The following SSH2 variants were observed in gnomAD, a reference collection of about 807,000 sequenced individuals.
SSH2 encodes slingshot protein phosphatase 2.
SSH2 carries 37 observed loss-of-function variants against 135.2 expected under a neutral mutation model. The ratio of observed to expected loss-of-function variants is 0.27; its 90% CI spans 0.21 to 0.36. SSH2 has a LOEUF of 0.36. Ranked by LOEUF, SSH2 falls within the 10% of genes least tolerant of loss-of-function variation. The probability of loss-of-function intolerance (pLI) is 1.00; values close to 1 mark genes in which losing one functional copy is unlikely to be tolerated. For synonymous variants in SSH2, 628 were observed against 646.2 expected, an observed-to-expected ratio of 0.97 and a Z score of 0.43; for missense variants, 1,408 against 1,765.3, an observed-to-expected ratio of 0.80 and a Z score of 3.63.
chr17:29,914,381 G>A (rs549831436), intron 1 of SSH2, among the ~76,000 whole-genome samples: 6 of 151,976 alleles, frequency 3.9e-5, no homozygotes, highest in Admixed American at 3.3e-4. Flanking sequence ...GCAACACAGC[G>A]AGACCATGTC....
chr17:29,745,200 C>T (rs1344467211), intron 3 of SSH2, among the ~76,000 whole-genome samples: 3 of 151,558 alleles, frequency 2.0e-5, no homozygotes, highest in East Asian at 1.9e-4. Flanking sequence ...TTTTCTGTCA[C>T]CTAGGCTGGA....
intron 1 of SSH2, among the ~76,000 whole-genome samples, chr17:29,910,953 A>G (rs1321455936): frequency 6.6e-6 from 1 of 152,138 alleles, no homozygotes; most frequent in African/African-American, 2.4e-5. Flanking sequence ...TTATCTCTGA[A>G]ATGGTGACAT....
intron 1 of SSH2, chr17:29,925,593 C>G (rs2067049754): frequency 2.5e-6 from 1 of 397,846 alleles, no homozygotes; most frequent in Non-Finnish European, 4.4e-6. Flanking sequence ...TGGGCAGTCC[C>G]AGATACTCAG....
chr17:29,720,194 A>G (rs2039773200), intron 3 of SSH2, among the ~76,000 whole-genome samples: 1 of 152,210 alleles, frequency 6.6e-6, no homozygotes, highest in African/African-American at 2.4e-5. Context: ...CAATGTACCA[A>G]TAGGGTTCTA....
At chr17:29,643,114 C>T (rs934812330) in intron 14 of SSH2, 1 of 985,294 alleles carries the variant, frequency 1.0e-6, no homozygotes, top group Non-Finnish European at 1.2e-6. Context: ...AATTGCAAGG[C>T]TTGATAGAGC....
At chr17:29,718,867 C>G (rs560128662) in intron 3 of SSH2, among the ~76,000 whole-genome samples, 72 of 151,020 alleles carry the variant, frequency 4.8e-4, no homozygotes, top group Non-Finnish European at 9.4e-4. Flanking sequence ...ATGTAAATTT[C>G]TCCTCTGGGC....
chr17:29,898,851 C>T (rs1022244543), intron 1 of SSH2, among the ~76,000 whole-genome samples: 7 of 152,160 alleles, frequency 4.6e-5, no homozygotes, highest in African/African-American at 7.2e-5. Flanking sequence ...AACCAATATC[C>T]CTGATGAACA....
intron 3 of SSH2, among the ~76,000 whole-genome samples, chr17:29,722,188 T>C (rs745905756): frequency 3.3e-5 from 5 of 150,864 alleles, no homozygotes; most frequent in African/African-American, 7.3e-5. Flanking sequence ...GGCAGAGAAC[T>C]GCTTGAACCC....
intron 1 of SSH2, among the ~76,000 whole-genome samples, chr17:29,860,907 G>A (rs977879471): frequency 2.6e-5 from 4 of 151,030 alleles, no homozygotes; most frequent in Admixed American, 1.3e-4. Context: ...CATGACGCCC[G>A]GCTAATTTTT....
chr17:29,670,628 G>A (rs2037454888), intron 9 of SSH2, among the ~76,000 whole-genome samples: 1 of 152,076 alleles, frequency 6.6e-6, no homozygotes, highest in African/African-American at 2.4e-5. Context: ...ACAAAAATTA[G>A]CTGGCCGTGG....
At chr17:29,782,866 A>G (rs944367156) in intron 3 of SSH2, among the ~76,000 whole-genome samples, 1 of 152,138 alleles carries the variant, frequency 6.6e-6, no homozygotes, top group Non-Finnish European at 1.5e-5. Flanking sequence ...GATTACAGGC[A>G]TGCGCCACTA....
At chr17:29,913,877 G>A (rs971498418) in intron 1 of SSH2, among the ~76,000 whole-genome samples, 7 of 151,742 alleles carry the variant, frequency 4.6e-5, no homozygotes, top group South Asian at 4.2e-4. Flanking sequence ...CAGGTGATCC[G>A]CCCGCCTCAG....
chr17:29,897,878 G>A (rs2066473691), intron 1 of SSH2, among the ~76,000 whole-genome samples: 3 of 152,132 alleles, frequency 2.0e-5, no homozygotes, highest in Admixed American at 2.0e-4. Flanking sequence ...ACAGTTGGAA[G>A]TAAAGCACTC....
At chr17:29,657,580 T>G (rs935795693) in intron 11 of SSH2, among the ~76,000 whole-genome samples, 5 of 140,004 alleles carry the variant, frequency 3.6e-5, no homozygotes, top group Admixed American at 2.9e-4. Context: ...CTTTGTTTTT[T>G]TTTTTTTTTT....
At chr17:29,781,269 T>C (rs1184130237) in intron 3 of SSH2, among the ~76,000 whole-genome samples, 3 of 152,102 alleles carry the variant, frequency 2.0e-5, no homozygotes, top group Non-Finnish European at 4.4e-5. Context: ...TTTAAATCCA[T>C]AGAAAAATTA....
At chr17:29,844,576 C>T (rs533182719) in intron 2 of SSH2, among the ~76,000 whole-genome samples, 1 of 152,346 alleles carries the variant, frequency 6.6e-6, no homozygotes, top group Admixed American at 6.5e-5. Context: ...TGCCTACATT[C>T]CTTCTTATCT....
In SSH2 at chr17:29,815,038, T is replaced by A. The variant is rs183151675; in HGVS notation, c.145-21101A>T. Among the ~76,000 whole-genome samples, 3 of 149,234 alleles carry A rather than the reference T, an allele frequency of 2.0e-5. No homozygotes were observed. In the East Asian group the frequency reaches 6.1e-4, roughly 30 times the overall value. On this transcript the variant is annotated intron_variant, in intron 2 of 15. Transcript: ENST00000540801. ...ATCTCAGCTCACTGGAACCTCCACC[T>A]CCCAGGTTCTAGCGATTCTCTTGCT...
intron 1 of SSH2, among the ~76,000 whole-genome samples, chr17:29,926,003 C>G (rs1421209005): frequency 1.3e-5 from 2 of 152,144 alleles, no homozygotes; most frequent in Non-Finnish European, 2.9e-5. Context: ...CATCTATTAT[C>G]TAGGAAGAAC....
chr17:29,793,982 C>T, intron 2 of SSH2, 45 bp from the exon 3 acceptor site: 1 of 1,388,038 alleles, frequency 7.2e-7, no homozygotes, highest in Non-Finnish European at 1.0e-6. Flanking sequence ...CCTGAGGTTT[C>T]ATATCATAAT....
Sources: gnomAD v4.1 joint callset for allele counts (sites outside exome capture counted in the v4.1 genomes callset) on GRCh38, gnomAD v4.1.1 for gene constraint, MANE v1.5 for transcripts, NCBI Gene and HGNC (gene_info 2026-07-23, HGNC 2026-07-21) for gene names.